The following PLPP1 variants were observed in gnomAD, a reference collection of about 807,000 sequenced individuals.
PLPP1 encodes lipid phosphate phosphohydrolase 1a.
A neutral mutation model predicts 31.2 loss-of-function variants in PLPP1; 24 were observed. The observed-to-expected ratio is 0.77, with a 90% CI of 0.56 to 1.08. The LOEUF is 1.08. Ranked by LOEUF, PLPP1 falls within the 50% of genes least tolerant of loss-of-function variation. PLPP1 has a pLI of 0.00. For synonymous variants in PLPP1, 146 were observed against 126.3 expected (o/e 1.16, Z -1.05); for missense variants, 319 against 342.7 (o/e 0.93, Z 0.55).
At chr5:55,466,318 AGATG>A (rs1752293956) in intron 3 of PLPP1, among the ~76,000 whole-genome samples, 2 of 152,218 alleles carry the variant, frequency 1.3e-5, no homozygotes, top group South Asian at 4.1e-4. Flanking sequence ...TGGGGACCAG[AGATG>A]TCTTGTTCAC....
chr5:55,498,862 C>T (rs1002460131), intron 1 of PLPP1, among the ~76,000 whole-genome samples: 1 of 152,156 alleles, frequency 6.6e-6, no homozygotes, highest in Admixed American at 6.6e-5. Flanking sequence ...ACTGCTCAAA[C>T]AAATTTTTAA....
At chr5:55,441,827 C>G (rs766329802) in intron 4 of PLPP1, 24 bp downstream of exon 4, 14 of 1,606,284 alleles carry the variant, frequency 8.7e-6, no homozygotes, top group Non-Finnish European at 1.2e-5. Flanking sequence ...ATAACCTAAC[C>G]GTCAACAGAC....
intron 1 of PLPP1, among the ~76,000 whole-genome samples, chr5:55,477,767 A>T (rs1752586963): frequency 6.6e-6 from 1 of 152,136 alleles, no homozygotes; most frequent in Non-Finnish European, 1.5e-5. Context: ...ATATTTCTGA[A>T]TTGGTTGCAT....
chr5:55,442,651 C>A (rs202101897), intron 3 of PLPP1, among the ~76,000 whole-genome samples: 58 of 145,198 alleles, frequency 4.0e-4, no homozygotes, highest in South Asian at 4.5e-4. Context: ...GACGCCATCT[C>A]AAAAAAAAAA....
intron 1 of PLPP1, among the ~76,000 whole-genome samples, chr5:55,497,468 G>A (rs974711292): frequency 6.7e-6 from 1 of 149,644 alleles, no homozygotes; most frequent in East Asian, 2.0e-4. Context: ...TCCTAGGCTG[G>A]TCTCAAACTC....
At chr5:55,504,359 T>C (rs969323951) in intron 1 of PLPP1, among the ~76,000 whole-genome samples, 2 of 35,268 alleles carry the variant, frequency 5.7e-5, no homozygotes, top group Non-Finnish European at 1.3e-4. Context: ...AGACTCTGTA[T>C]CAAAAAAAAA....
chr5:55,512,830 C>A (rs1004039246), intron 1 of PLPP1, among the ~76,000 whole-genome samples: 1 of 152,092 alleles, frequency 6.6e-6, no homozygotes, highest in Non-Finnish European at 1.5e-5. Flanking sequence ...GATGTATGTA[C>A]AAGAACATTT....
chr5:55,529,632 T>C (rs904659737), intron 1 of PLPP1, among the ~76,000 whole-genome samples: 1 of 152,240 alleles, frequency 6.6e-6, no homozygotes, highest in Non-Finnish European at 1.5e-5. Flanking sequence ...GTAAATGTTA[T>C]ATAAATACGA....
intron 3 of PLPP1, among the ~76,000 whole-genome samples, chr5:55,442,789 A>G (rs1335944387): frequency 1.3e-5 from 2 of 152,140 alleles, no homozygotes; most frequent in Admixed American, 6.5e-5. Context: ...AAATGACAGA[A>G]TGCTTACAAA....
chr5:55,534,585 GAGCACAT>G lies in PLPP1; in HGVS notation c.38_44del (p.Asp13AlafsTer45). 6.4e-7 allele frequency: 1 copy of G among 1,556,258 alleles called. No individual in the cohort carries two copies. The highest frequency in any genetic ancestry group is 8.7e-7 in the Non-Finnish European group (1 of 1,153,152). ...GCGCGTACGTACCCAGCAACACGCAGAGCACATCGAGGGCCACGTACGGCAGCCGCGT... is the reference window on the plus strand; with the variant it reads ...GCGCGTACGTACCCAGCAACACGCAGCGAGGGCCACGTACGGCAGCCGCGT... On this transcript the variant is annotated frameshift_variant, in exon 1 of 6. Transcript: ENST00000307259. LOFTEE classifies it high-confidence loss of function.
At chr5:55,499,929 TAA>T (rs968020815) in intron 1 of PLPP1, among the ~76,000 whole-genome samples, 10 of 151,714 alleles carry the variant, frequency 6.6e-5, no homozygotes, top group Admixed American at 2.6e-4. Flanking sequence ...ATCTCAGATA[TAA>T]GAGATATATT....
chr5:55,467,768 C>G (rs1752336159), intron 3 of PLPP1, 101 bp downstream of exon 3: 2 of 1,295,596 alleles, frequency 1.5e-6, no homozygotes, highest in Non-Finnish European at 2.1e-6. Context: ...AGTGATAACA[C>G]TAACTTCTCT....
intron 4 of PLPP1, among the ~76,000 whole-genome samples, chr5:55,428,952 G>A (rs1751276487): frequency 6.6e-6 from 1 of 152,054 alleles, no homozygotes; most frequent in African/African-American, 2.4e-5. Context: ...CCTTCTAGGT[G>A]GAATTGCCCA....
intron 4 of PLPP1, 96 bp downstream of exon 4, chr5:55,441,754 AC>A (rs1283037738): frequency 1.6e-6 from 2 of 1,271,976 alleles, no homozygotes; most frequent in East Asian, 4.7e-5. Flanking sequence ...ACCTTTTGCT[AC>A]TGGCTAATTT....
In PLPP1 at chr5:55,475,460, G is replaced by A. The variant is rs549450035; in HGVS notation, c.59-10C>T. On this transcript the variant is annotated splice_polypyrimidine_tract_variant and intron_variant, in intron 1 of 5. Transcript: ENST00000307259. ...GCAAAAGGCAATCCAGCTAGCAAAA[G>A]GGAATAAATGAAAATATCATTAAAA... The A allele has an allele frequency of 2.6e-5, 41 of 1,580,468 alleles. No individual in the cohort carries two copies. The South Asian group carries it at 4.6e-4, about 18-fold the overall frequency.
chr5:55,491,291 T>A (rs1433723239), intron 1 of PLPP1, among the ~76,000 whole-genome samples: 2 of 152,210 alleles, frequency 1.3e-5, no homozygotes, highest in African/African-American at 4.8e-5. Context: ...TGCTTGTCCA[T>A]ATCAGCCCCA....
At chr5:55,502,291 A>T (rs961744656) in intron 1 of PLPP1, among the ~76,000 whole-genome samples, 1 of 152,172 alleles carries the variant, frequency 6.6e-6, no homozygotes, top group Non-Finnish European at 1.5e-5. Flanking sequence ...GATCAAGGCC[A>T]TCCTGGCCAA....
intron 4 of PLPP1, among the ~76,000 whole-genome samples, chr5:55,440,569 A>G (rs1257871053): frequency 5.3e-5 from 8 of 152,208 alleles, no homozygotes; most frequent in Non-Finnish European, 7.3e-5. Context: ...TTAAAAAGGA[A>G]GCCCTAAATT....
intron 1 of PLPP1, chr5:55,530,806 AC>A: frequency 7.0e-7 from 1 of 1,431,922 alleles, no homozygotes; most frequent in Non-Finnish European, 9.8e-7. Flanking sequence ...CGCGGTCCGC[AC>A]GGGCGTTTTG....
Sources: gnomAD v4.1 joint callset for allele counts (sites outside exome capture counted in the v4.1 genomes callset) on GRCh38, gnomAD v4.1.1 for gene constraint, MANE v1.5 for transcripts, NCBI Gene and HGNC (gene_info 2026-07-23, HGNC 2026-07-21) for gene names.